The following CD300LD variants were observed in gnomAD, a reference collection of about 807,000 sequenced individuals.
The protein encoded by CD300LD is CD300 molecule like family member d.
In CD300LD, 18 loss-of-function variants were observed where a neutral mutation model predicts 20.3. That is an observed-to-expected ratio of 0.89 (90% CI 0.61 to 1.32). CD300LD has a LOEUF of 1.32. Ranked by LOEUF, CD300LD falls within the 40% of genes most tolerant of loss-of-function variation. The probability of loss-of-function intolerance (pLI) is 0.00; values close to 1 mark genes in which losing one functional copy is unlikely to be tolerated. For synonymous variants in CD300LD, 104 were observed against 90.1 expected, an observed-to-expected ratio of 1.15 and a Z score of -0.87; for missense variants, 195 against 226.6, an observed-to-expected ratio of 0.86 and a Z score of 0.90.
At chr17:74,591,260 A>T (rs998106849) in intron 1 of CD300LD, among the ~76,000 whole-genome samples, 7 of 104,286 alleles carry the variant, frequency 6.7e-5, no homozygotes, top group East Asian at 2.5e-4. Flanking sequence ...CAAAAAAAAA[A>T]AAAATAAAAA....
chr17:74,580,910 A>C (rs2030020910), intron 3 of CD300LD, among the ~76,000 whole-genome samples: 1 of 151,934 alleles, frequency 6.6e-6, no homozygotes, highest in Admixed American at 6.6e-5. Flanking sequence ...TAAAAAAAAA[A>C]AAAAAAAAGA....
Position 74,588,815 on chromosome 17 carries a change from T to C in CD300LD, c.75A>G (p.Thr25=). Residue 25 remains threonine (T), a synonymous_variant, in exon 2 of 4, where the codon ACA becomes ACG. Coordinates refer to ENST00000375352, the MANE Select transcript of CD300LD (RefSeq NM_001115152.2). ...YSIAAKITGP[T]TVNGSEQGSL... ...AGCCCTGCTCCGAGCCATTCACTGT[T>C]GTTGGACCAGTGATTTTAGCGGCAA... The C allele has an allele frequency of 6.2e-7, 1 of 1,610,714 alleles. No individual in the cohort carries two copies.
chr17:74,589,483 C>G (rs1329087236), intron 1 of CD300LD, among the ~76,000 whole-genome samples: 1 of 152,210 alleles, frequency 6.6e-6, no homozygotes, highest in African/African-American at 2.4e-5. Flanking sequence ...CAGAGCAGCA[C>G]CCATTCAACA....
At chr17:74,590,872 G>A (rs2030294148) in intron 1 of CD300LD, 2 of 152,130 alleles carry the variant, frequency 1.3e-5, no homozygotes, top group Admixed American at 1.3e-4. Context: ...GAGCCCTGGA[G>A]CTTGAGAGCA....
chr17:74,585,507 C>G (rs1480338759), intron 2 of CD300LD, among the ~76,000 whole-genome samples: 3 of 152,054 alleles, frequency 2.0e-5, no homozygotes, highest in African/African-American at 7.2e-5. Flanking sequence ...AAATAGAGAC[C>G]CCAATACAAA....
At chr17:74,584,372 A>G (rs937664801) in intron 2 of CD300LD, among the ~76,000 whole-genome samples, 1 of 152,204 alleles carries the variant, frequency 6.6e-6, no homozygotes, top group African/African-American at 2.4e-5. Flanking sequence ...CTTTTGTTAC[A>G]GGCCGAAAGA....
In CD300LD at chr17:74,582,156, T is replaced by C. The variant is rs527665312; in HGVS notation, c.473+62A>G. The C allele has an allele frequency of 2.8e-5, 38 of 1,361,994 alleles. No homozygotes were observed. The East Asian group carries it at 8.4e-4, about 30-fold the overall frequency. The allele number at this position is 1,361,994 out of a possible 1,614,324, so 84.4% of individuals were successfully genotyped here. On this transcript the variant is annotated intron_variant, in intron 3 of 3. Coordinates refer to ENST00000375352, the MANE Select transcript of CD300LD (RefSeq NM_001115152.2). The stretch of plus-strand genomic sequence containing the variant: ...TGCTATTGTTGTATCTGGCAACCCC[T>C]GTTAGAGGAGAGGCCATGGGGCCAG...
intron 1 of CD300LD, among the ~76,000 whole-genome samples, chr17:74,589,320 TC>T (rs2030250946): frequency 6.6e-6 from 1 of 152,164 alleles, no homozygotes; most frequent in Non-Finnish European, 1.5e-5. Context: ...CCCTTTGAAA[TC>T]AACCAAATAG....
At chr17:74,582,517 T>A (rs550486606) in intron 2 of CD300LD, among the ~76,000 whole-genome samples, 2 of 152,328 alleles carry the variant, frequency 1.3e-5, no homozygotes, top group East Asian at 3.9e-4. Flanking sequence ...AGGAGCAGAC[T>A]AAGGAGGGAA....
intron 1 of CD300LD, among the ~76,000 whole-genome samples, chr17:74,591,227 A>C (rs1171561229): frequency 6.7e-6 from 1 of 148,964 alleles, no homozygotes; most frequent in Non-Finnish European, 1.5e-5. Flanking sequence ...CAGCCTGGGC[A>C]TGAAAGTGAG....
At chr17:74,589,305 T>G (rs1598132766) in intron 1 of CD300LD, among the ~76,000 whole-genome samples, 1 of 152,156 alleles carries the variant, frequency 6.6e-6, no homozygotes, top group Non-Finnish European at 1.5e-5. Context: ...TCACCCTGAA[T>G]GAATCCCTTT....
At chr17:74,585,144 G>A (rs554276473) in intron 2 of CD300LD, among the ~76,000 whole-genome samples, 16 of 152,342 alleles carry the variant, frequency 1.1e-4, no homozygotes, top group African/African-American at 3.6e-4. Flanking sequence ...CATTAATTAA[G>A]ATGCTGAAGA....
Position 74,588,734 on chromosome 17 carries a change from C to T in CD300LD, c.156G>A (p.Arg52=). ...GSGWETYLKW[R]CQGADWNYCN... is the part of the protein sequence containing the mutation. ...AGTAATTCCAATCAGCTCCTTGACA[C>T]CGCCACTTCAAGTAGGTCTCCCAGC... is the stretch of plus-strand genomic sequence containing the variant. The change falls in exon 2 of 4, where the codon CGG becomes CGA. Residue 52 remains arginine, a synonymous_variant. Transcript: ENST00000375352. 1 of 1,614,170 alleles carries T rather than the reference C, an allele frequency of 6.2e-7. No homozygotes were observed. The highest frequency in any genetic ancestry group is 8.5e-7 in the Non-Finnish European group (1 of 1,179,982).
Position 74,584,377 on chromosome 17 carries a change from G to A in CD300LD, c.380-2066C>T, listed in dbSNP as rs149110299. On this transcript the variant is annotated intron_variant, in intron 2 of 3. Transcript: ENST00000375352. ...GTAATGTTAACTTTTGTTACAGGCC[G>A]AAAGAATGAGAGTCATGACCAACAC... 2.5e-3 allele frequency among the ~76,000 whole-genome samples: 383 copies of A among 152,242 alleles called. 5 individuals are homozygous for A. The highest frequency in any genetic ancestry group is 8.0e-3 in the African/African-American group (333 of 41,532).
intron 2 of CD300LD, 92 bp from the exon 3 acceptor site, chr17:74,582,403 AGCCTCT>A: frequency 1.0e-6 from 1 of 978,916 alleles, no homozygotes; most frequent in Non-Finnish European, 1.5e-6. Context: ...GGAATTAAGG[AGCCTCT>A]GCCTTGGGGT....
In CD300LD at chr17:74,580,080, C is replaced by A. The variant is rs763460491; in HGVS notation, c.507G>T (p.Leu169=). The part of the protein sequence containing the change: ...SPLKSTHFLF[L]FLLELPLLLS... ...GGAGCAGAGGCAGCTCCAGGAGGAA[C>A]AGGAACAGGAAGTGGGTGCTCTTGA... Residue 169 remains leucine (L), a synonymous_variant, in exon 4 of 4, where the codon CTG becomes CTT. Coordinates refer to ENST00000375352, the MANE Select transcript of CD300LD (RefSeq NM_001115152.2). The A allele has an allele frequency of 6.2e-7, 1 of 1,612,946 alleles. No individual in the cohort carries two copies. Among genetic ancestry groups the A allele is most frequent in the Non-Finnish European group, 8.5e-7 (1 of 1,179,372 alleles).
Position 74,579,967 on chromosome 17 carries a change from T to G in CD300LD, c.*35A>C, listed in dbSNP as rs762773299. ...GCCCTGGACAGGACGTCAATGGGCATTGGGACTCTCATCATCGGGCTGACT... is the reference window on the plus strand; with the variant it reads ...GCCCTGGACAGGACGTCAATGGGCAGTGGGACTCTCATCATCGGGCTGACT... On this transcript the variant is annotated 3_prime_UTR_variant, in exon 4 of 4. Transcript: ENST00000375352. The G allele has an allele frequency of 2.2e-6, 3 of 1,367,060 alleles. No individual in the cohort carries two copies. In the Admixed American group the frequency reaches 5.2e-5, roughly 24 times the overall value. The allele number at this position is 1,367,060 out of a possible 1,614,324, so 84.7% of individuals were successfully genotyped here.
At position 74,588,681 on chromosome 17, in the gene CD300LD, G is replaced by A; in HGVS notation, c.209C>T (p.Ser70Leu). ...YCNILVKTNG[S>L]EQEVKKNRVS... ...TCGATTCTTCTTTACCTCCTGCTCT[G>A]ATCCATTTGTTTTAACAAGGATGTT... Residue 70 changes from serine to leucine, a missense_variant, in exon 2 of 4, where the codon TCA becomes TTA. Ser to Leu is a moderately radical substitution (Grantham distance 145). Transcript: ENST00000375352. 1.2e-6 allele frequency: 2 copies of A among 1,614,162 alleles called. No individual in the cohort carries two copies. Among genetic ancestry groups the A allele is most frequent in the African/African-American group, 2.7e-5 (2 of 75,050 alleles).
At chr17:74,583,833 A>G (rs1035687750) in intron 2 of CD300LD, among the ~76,000 whole-genome samples, 1 of 147,472 alleles carries the variant, frequency 6.8e-6, no homozygotes, top group African/African-American at 2.5e-5. Flanking sequence ...GCTCACTGCA[A>G]CCACTGCCTC....
Sources: allele counts gnomAD v4.1 joint callset (sites outside exome capture counted in the v4.1 genomes callset), GRCh38; gene constraint gnomAD v4.1.1; transcripts MANE v1.5; gene names NCBI Gene and HGNC (gene_info 2026-07-23, HGNC 2026-07-21).